The following FBXL17 variants were observed in gnomAD, a reference collection of about 807,000 sequenced individuals.
The protein encoded by FBXL17 is F-box/LRR-repeat protein 17.
FBXL17 carries 22 observed loss-of-function variants against 66.2 expected under a neutral mutation model. That is an observed-to-expected ratio of 0.33 (90% CI 0.24 to 0.47). The LOEUF is 0.47. Among genes scored for constraint, FBXL17 ranks in the 20% least tolerant of loss-of-function variants. The pLI, the probability that FBXL17 is intolerant of heterozygous loss-of-function variation, is 1.00. For synonymous variants in FBXL17, 474 were observed against 400.5 expected (o/e 1.18, Z -2.19); for missense variants, 878 against 948.2 (o/e 0.93, Z 0.97).
chr5:107,882,221 G>A (rs1748814697), intron 7 of FBXL17, among the ~76,000 whole-genome samples: 1 of 152,100 alleles, frequency 6.6e-6, no homozygotes, highest in Non-Finnish European at 1.5e-5. Context: ...TGACAATAAA[G>A]GTGAATGATA....
intron 4 of FBXL17, among the ~76,000 whole-genome samples, chr5:108,232,780 C>CATATATATAT (rs758322541): frequency 3.1e-5 from 1 of 32,682 alleles, no homozygotes; most frequent in African/African-American, 1.3e-4. Context: ...AATAAGCTCT[C>CATATATATAT]ACATATATAT....
At chr5:108,163,208 G>A (rs1752280062) in intron 6 of FBXL17, among the ~76,000 whole-genome samples, 1 of 151,846 alleles carries the variant, frequency 6.6e-6, no homozygotes, top group Non-Finnish European at 1.5e-5. Context: ...TTTTGCCAGG[G>A]CCCATCAGAG....
intron 6 of FBXL17, among the ~76,000 whole-genome samples, chr5:108,109,240 T>C (rs114430967): frequency 0.011 from 1,658 of 152,152 alleles, 40 homozygotes; most frequent in African/African-American, 0.038. Context: ...TTTGAGAAAA[T>C]AGCAGAAGGA....
chr5:108,086,831 G>T (rs1234805648), intron 6 of FBXL17, among the ~76,000 whole-genome samples: 1 of 152,154 alleles, frequency 6.6e-6, no homozygotes, highest in Non-Finnish European at 1.5e-5. Flanking sequence ...AAAGTGCTGG[G>T]ATTACAGGTG....
At position 108,361,575 on chromosome 5, in the gene FBXL17, T is replaced by A. The variant is rs114373766; in HGVS notation, c.1374+3163A>T. Among the ~76,000 whole-genome samples the A allele has an allele frequency of 9.9e-3, 1,501 of 152,162 alleles. 22 individuals carry two copies. Among genetic ancestry groups the A allele is most frequent in the African/African-American group, 0.034 (1,427 of 41,514 alleles). ...ATTCCCTTCTATACACTGAGGCTGATTGTCCTAATTTCAAAACAAAAACAA... is the reference window on the plus strand; with the variant it reads ...ATTCCCTTCTATACACTGAGGCTGAATGTCCTAATTTCAAAACAAAAACAA... On this transcript the variant is annotated intron_variant, in intron 3 of 8. Transcript: ENST00000542267.
intron 6 of FBXL17, among the ~76,000 whole-genome samples, chr5:108,153,260 G>A (rs1026783088): frequency 3.3e-5 from 5 of 152,006 alleles, no homozygotes; most frequent in African/African-American, 7.3e-5. Context: ...ATCCTGATAC[G>A]GTAGCATATA....
chr5:108,323,332 TAAG>T (rs1759704286), intron 4 of FBXL17, among the ~76,000 whole-genome samples: 1 of 150,890 alleles, frequency 6.6e-6, no homozygotes, highest in Non-Finnish European at 1.5e-5. Context: ...AAAAAGAAAT[TAAG>T]AGAACTATTC....
chr5:108,069,331 C>T (rs975379384), intron 6 of FBXL17, among the ~76,000 whole-genome samples: 19 of 151,996 alleles, frequency 1.3e-4, no homozygotes, highest in African/African-American at 3.9e-4. Flanking sequence ...CGGCTTATGG[C>T]GAGGCTACTC....
chr5:108,157,938 G>A (rs1397809338), intron 6 of FBXL17, among the ~76,000 whole-genome samples: 1 of 151,774 alleles, frequency 6.6e-6, no homozygotes, highest in African/African-American at 2.4e-5. Context: ...AAAAAATAGA[G>A]AAGAAAAAGA....
chr5:108,009,263 ATATATATATATAT>A (rs1754068975), intron 7 of FBXL17, among the ~76,000 whole-genome samples: 1 of 36,458 alleles, frequency 2.7e-5, no homozygotes, highest in African/African-American at 1.2e-4. Context: ...TCCCTGTTTT[ATATATATATATAT>A]ATATATATAT....
chr5:108,148,876 T>C (rs1462397014), intron 6 of FBXL17, among the ~76,000 whole-genome samples: 1 of 152,156 alleles, frequency 6.6e-6, no homozygotes, highest in East Asian at 1.9e-4. Context: ...CTGAACTATA[T>C]AAAAGTATGT....
intron 7 of FBXL17, among the ~76,000 whole-genome samples, chr5:107,929,114 T>C (rs1181823062): frequency 1.3e-5 from 2 of 152,152 alleles, no homozygotes; most frequent in East Asian, 3.9e-4. Flanking sequence ...CTTGCCATAT[T>C]GGTGGTGAAA....
At chr5:108,045,417 G>C (rs1222527947) in intron 6 of FBXL17, among the ~76,000 whole-genome samples, 1 of 151,984 alleles carries the variant, frequency 6.6e-6, no homozygotes, top group East Asian at 1.9e-4. Context: ...ACTCCAGCCT[G>C]GGCGATAGAG....
intron 3 of FBXL17, among the ~76,000 whole-genome samples, chr5:108,352,304 C>A (rs1231940115): frequency 6.6e-6 from 1 of 152,216 alleles, no homozygotes; most frequent in Non-Finnish European, 1.5e-5. Flanking sequence ...TATCCAAGCA[C>A]TGTAAAGTCA....
intron 4 of FBXL17, among the ~76,000 whole-genome samples, chr5:108,261,683 C>T (rs1398683853): frequency 2.7e-5 from 4 of 148,206 alleles, no homozygotes; most frequent in Non-Finnish European, 4.5e-5. Flanking sequence ...GAAGATGATG[C>T]AAATATACAG....
chr5:108,064,600 C>G (rs1052678966), intron 6 of FBXL17, among the ~76,000 whole-genome samples: 2 of 152,120 alleles, frequency 1.3e-5, no homozygotes, highest in Non-Finnish European at 2.9e-5. Context: ...AATTGAGAAG[C>G]CTCTCTGGGA....
intron 4 of FBXL17, among the ~76,000 whole-genome samples, chr5:108,282,610 A>T (rs1256568000): frequency 6.6e-6 from 1 of 151,752 alleles, no homozygotes; most frequent in Non-Finnish European, 1.5e-5. Context: ...GGAACAAAGC[A>T]AGGATACCCA....
At chr5:108,126,733 G>A (rs934310659) in intron 6 of FBXL17, among the ~76,000 whole-genome samples, 2 of 148,726 alleles carry the variant, frequency 1.3e-5, no homozygotes, top group Admixed American at 1.3e-4. Context: ...TCTAAAAGAA[G>A]GGTCAGATGA....
chr5:108,283,559 G>C (rs1251852919), intron 4 of FBXL17, among the ~76,000 whole-genome samples: 2 of 151,760 alleles, frequency 1.3e-5, no homozygotes, highest in Non-Finnish European at 3.0e-5. Flanking sequence ...TTAAATATAG[G>C]AACCAAAGTT....
Sources: allele counts gnomAD v4.1 joint callset (sites outside exome capture counted in the v4.1 genomes callset), GRCh38; gene constraint gnomAD v4.1.1; transcripts MANE v1.5; gene names NCBI Gene and HGNC (gene_info 2026-07-23, HGNC 2026-07-21).